EXOC4: variants seen among roughly 807,000 people sequenced by gnomAD.
EXOC4 encodes the protein exocyst complex component 4, also known as SEC8-like 1.
EXOC4 carries 71 observed loss-of-function variants against 107.2 expected under a neutral mutation model. The observed-to-expected ratio is 0.66, with a 90% CI of 0.55 to 0.81. The LOEUF (loss-of-function observed/expected upper bound fraction) is 0.81. Ranked by LOEUF, EXOC4 falls within the 30% of genes least tolerant of loss-of-function variation. The pLI, the probability that EXOC4 is intolerant of heterozygous loss-of-function variation, is 0.00. For missense variants in EXOC4, 1,108 were observed against 1,189.6 expected (o/e 0.93, Z 1.01); for synonymous variants, 456 against 441.2 (o/e 1.03, Z -0.42).
At chr7:133,582,582 A>AT (rs563593601) in intron 9 of EXOC4, among the ~76,000 whole-genome samples, 314 of 147,358 alleles carry the variant, frequency 2.1e-3, no homozygotes, top group Middle Eastern at 0.014. Flanking sequence ...CAATTGCTCT[A>AT]TTTTTTTTTT....
At chr7:133,636,213 G>A (rs2151020318) in intron 10 of EXOC4, among the ~76,000 whole-genome samples, 1 of 122,896 alleles carries the variant, frequency 8.1e-6, no homozygotes. Context: ...AAGCAAGCAA[G>A]ATAATACTAT....
chr7:133,325,262 G>C (rs967563720), intron 5 of EXOC4, among the ~76,000 whole-genome samples: 1 of 152,306 alleles, frequency 6.6e-6, no homozygotes. Context: ...TATGATGTTA[G>C]CTGGTTATTT....
At chr7:133,683,549 A>T (rs149823031) in intron 10 of EXOC4, among the ~76,000 whole-genome samples, 1 of 152,336 alleles carries the variant, frequency 6.6e-6, no homozygotes, top group African/African-American at 2.4e-5. Context: ...TGTGATAATT[A>T]TTCTTTCACT....
intron 9 of EXOC4, among the ~76,000 whole-genome samples, chr7:133,618,109 AT>A (rs1384647887): frequency 6.6e-6 from 1 of 152,078 alleles, no homozygotes; most frequent in East Asian, 1.9e-4. Flanking sequence ...ATACAGGCTT[AT>A]TTTTTAATAT....
intron 10 of EXOC4, among the ~76,000 whole-genome samples, chr7:133,661,014 GTTGTAT>G (rs1256381744): frequency 6.6e-6 from 1 of 152,144 alleles, no homozygotes; most frequent in Non-Finnish European, 1.5e-5. Flanking sequence ...ACTACCATGT[GTTGTAT>G]TTCAGATTTT....
At chr7:133,491,207 T>C (rs1033191127) in intron 9 of EXOC4, among the ~76,000 whole-genome samples, 1 of 152,262 alleles carries the variant, frequency 6.6e-6, no homozygotes, top group East Asian at 1.9e-4. Context: ...TATGTATGAA[T>C]GCGACATGAA....
intron 6 of EXOC4, among the ~76,000 whole-genome samples, chr7:133,367,375 A>G (rs1330100753): frequency 1.3e-5 from 2 of 152,150 alleles, no homozygotes; most frequent in Non-Finnish European, 2.9e-5. Flanking sequence ...CAGTGTTTCA[A>G]GGAGGCACAA....
intron 9 of EXOC4, among the ~76,000 whole-genome samples, chr7:133,621,993 A>C (rs1802341559): frequency 6.6e-6 from 1 of 151,886 alleles, no homozygotes; most frequent in Non-Finnish European, 1.5e-5. Context: ...CCATCCAATA[A>C]AGATAGGGTC....
chr7:133,941,105 C>T (rs1423345332), intron 14 of EXOC4, among the ~76,000 whole-genome samples: 2 of 151,562 alleles, frequency 1.3e-5, no homozygotes, highest in Non-Finnish European at 2.9e-5. Flanking sequence ...TCAAGCGATT[C>T]TCCTGCCTCA....
At chr7:133,904,719 AATCATCTTTCTGGTTG>A (rs1408665498) in intron 12 of EXOC4, among the ~76,000 whole-genome samples, 1 of 152,172 alleles carries the variant, frequency 6.6e-6, no homozygotes, top group Non-Finnish European at 1.5e-5. Context: ...ATAAATAGAA[AATCATCTTTCTGGTTG>A]TTATACAACA....
At chr7:133,330,953 A>T (rs537749021) in intron 5 of EXOC4, among the ~76,000 whole-genome samples, 5 of 149,848 alleles carry the variant, frequency 3.3e-5, no homozygotes, top group East Asian at 1.9e-4. Context: ...TTTTTTTTTT[A>T]AATAATAGTT....
intron 7 of EXOC4, among the ~76,000 whole-genome samples, chr7:133,456,976 A>C (rs1798477117): frequency 6.6e-6 from 1 of 152,244 alleles, no homozygotes; most frequent in African/African-American, 2.4e-5. Context: ...ACTGAAGAAC[A>C]CTGAGAGCTC....
intron 10 of EXOC4, among the ~76,000 whole-genome samples, chr7:133,735,219 CAAAAAAAAAAAAAAAAAAA>C (rs56769096): frequency 3.9e-4 from 13 of 33,508 alleles, no homozygotes; most frequent in East Asian, 1.2e-3. Flanking sequence ...GACTCTGTCT[CAAAAAAAAAAAAAAAAAAA>C]AAAAAAAAAA....
At chr7:133,854,882 A>G (rs772612422) in intron 11 of EXOC4, among the ~76,000 whole-genome samples, 11 of 149,770 alleles carry the variant, frequency 7.3e-5, no homozygotes, top group Non-Finnish European at 1.3e-4. Flanking sequence ...ATCATCAGCT[A>G]GAGACTTGTG....
intron 10 of EXOC4, among the ~76,000 whole-genome samples, chr7:133,791,688 A>G (rs1348809751): frequency 6.6e-6 from 1 of 152,238 alleles, no homozygotes; most frequent in Non-Finnish European, 1.5e-5. Context: ...TAGGTTCCCG[A>G]AAACTTAAGT....
In EXOC4 at chr7:133,481,710, C is replaced by A. The variant is rs1202960338; in HGVS notation, c.1417+1572C>A. On this transcript the variant is annotated intron_variant, in intron 9 of 17. Transcript: ENST00000253861. ...GTATTAGGAAGAGGAGATTAGCCTACCAACATTTTATTTAATATGAAAGGG... is the reference window on the plus strand; with the variant it reads ...GTATTAGGAAGAGGAGATTAGCCTAACAACATTTTATTTAATATGAAAGGG... 2.6e-5 allele frequency among the ~76,000 whole-genome samples: 4 copies of A among 152,088 alleles called. No homozygotes were observed. The East Asian group carries it at 7.7e-4, about 29-fold the overall frequency.
chr7:133,464,727 A>G (rs1798675406), intron 7 of EXOC4, among the ~76,000 whole-genome samples: 2 of 151,926 alleles, frequency 1.3e-5, no homozygotes, highest in Admixed American at 1.3e-4. Flanking sequence ...AAAACAGAGT[A>G]AAATTGTGTT....
At chr7:133,942,758 G>A (rs1393436947) in intron 14 of EXOC4, among the ~76,000 whole-genome samples, 1 of 152,068 alleles carries the variant, frequency 6.6e-6, no homozygotes, top group African/African-American at 2.4e-5. Flanking sequence ...TTTAATGGAA[G>A]CACTTTAATG....
intron 3 of EXOC4, among the ~76,000 whole-genome samples, chr7:133,292,639 A>G (rs1427006387): frequency 6.6e-6 from 1 of 152,204 alleles, no homozygotes; most frequent in Non-Finnish European, 1.5e-5. Flanking sequence ...AAATTTCATC[A>G]ACTCTCTGAA....
Sources: gnomAD v4.1 joint callset for allele counts (sites outside exome capture counted in the v4.1 genomes callset) on GRCh38, gnomAD v4.1.1 for gene constraint, MANE v1.5 for transcripts, NCBI Gene and HGNC (gene_info 2026-07-23, HGNC 2026-07-21) for gene names.